Variants in RNF10 observed in about 807,000 individuals in gnomAD.
RNF10 encodes the protein ring finger protein 10.
RNF10 carries 38 observed loss-of-function variants against 91.4 expected under a neutral mutation model. That is an observed-to-expected ratio of 0.42 (90% confidence interval 0.32 to 0.54). RNF10 has a LOEUF of 0.54. RNF10 is among the 20% of genes least tolerant of loss of function. RNF10 has a pLI of 0.16. For missense variants in RNF10, 945 were observed against 1,012.0 expected (o/e 0.93, Z 0.90); for synonymous variants, 364 against 366.3 (o/e 0.99, Z 0.07).
intron 7 of RNF10, among the ~76,000 whole-genome samples, chr12:120,562,278 T>C (rs1422340086): frequency 7.0e-6 from 1 of 142,566 alleles, no homozygotes; most frequent in Non-Finnish European, 1.5e-5. Context: ...TTTCTTTTTT[T>C]TTTTTTTTTT....
intron 1 of RNF10, among the ~76,000 whole-genome samples, chr12:120,539,710 G>A (rs976083193): frequency 3.9e-5 from 6 of 152,136 alleles, no homozygotes; most frequent in African/African-American, 1.4e-4. Context: ...GCTGGGTTAA[G>A]TTTTTAAGTC....
chr12:120,576,561 T>G, intron 16 of RNF10, 29 bp from the exon 17 acceptor site: 1 of 1,609,084 alleles, frequency 6.2e-7, no homozygotes, highest in Non-Finnish European at 8.5e-7. Context: ...GCATTTTAAG[T>G]TAAGCTGTCT....
At chr12:120,540,537 A>G (rs1435462671) in intron 1 of RNF10, among the ~76,000 whole-genome samples, 1 of 152,130 alleles carries the variant, frequency 6.6e-6, no homozygotes, top group Non-Finnish European at 1.5e-5. Context: ...AATACTCTGA[A>G]TTTTATCTCT....
intron 1 of RNF10, among the ~76,000 whole-genome samples, chr12:120,538,585 T>C (rs1189835620): frequency 6.6e-6 from 1 of 152,176 alleles, no homozygotes; most frequent in East Asian, 1.9e-4. Flanking sequence ...GTAAATATCC[T>C]GTGAATATAG....
At chr12:120,573,664 T>C (rs569687216) in intron 14 of RNF10, among the ~76,000 whole-genome samples, 1 of 152,044 alleles carries the variant, frequency 6.6e-6, no homozygotes, top group East Asian at 1.9e-4. Flanking sequence ...CTCAGGCTGC[T>C]TCCACTCATG....
At chr12:120,540,170 C>T (rs560949011) in intron 1 of RNF10, among the ~76,000 whole-genome samples, 8 of 151,694 alleles carry the variant, frequency 5.3e-5, no homozygotes, top group Non-Finnish European at 1.0e-4. Flanking sequence ...ACCATGTTGC[C>T]CAGGCTGGTC....
intron 4 of RNF10, among the ~76,000 whole-genome samples, chr12:120,556,590 A>G (rs1874063620): frequency 1.3e-5 from 2 of 151,382 alleles, no homozygotes; most frequent in Non-Finnish European, 2.9e-5. Context: ...AAATGTATAA[A>G]ATCATCTGAG....
chr12:120,558,575 A>ATG (rs1299329760), intron 6 of RNF10, among the ~76,000 whole-genome samples: 2 of 147,990 alleles, frequency 1.4e-5, no homozygotes, highest in African/African-American at 5.0e-5. Context: ...ATGTATATAT[A>ATG]TATTTTTTTT....
chr12:120,535,499 A>G (rs1196664671), intron 1 of RNF10: 1 of 152,208 alleles, frequency 6.6e-6, no homozygotes, highest in African/African-American at 2.4e-5. Flanking sequence ...AAGAGCGCAG[A>G]CTATGAATTC....
chr12:120,544,633 G>C (rs193047494), intron 1 of RNF10, among the ~76,000 whole-genome samples: 9 of 152,324 alleles, frequency 5.9e-5, no homozygotes, highest in Admixed American at 2.6e-4. Flanking sequence ...TCTAGCCTGG[G>C]TGACAGAGCA....
intron 12 of RNF10, among the ~76,000 whole-genome samples, 158 bp downstream of exon 12, chr12:120,565,687 T>C (rs562906899): frequency 5.3e-5 from 8 of 152,230 alleles, no homozygotes; most frequent in Non-Finnish European, 7.3e-5. Context: ...CTTGCAAATA[T>C]AATGAGTTAA....
Position 120,576,760 on chromosome 12 carries a change from T to G in RNF10, c.*94T>G. The G allele has an allele frequency of 6.4e-7, 1 of 1,556,536 alleles. No individual in the cohort carries two copies. Among genetic ancestry groups the G allele is most frequent in the Non-Finnish European group, 8.7e-7 (1 of 1,150,328 alleles). On this transcript the variant is annotated 3_prime_UTR_variant, in exon 17 of 17. Coordinates refer to ENST00000325954, the MANE Select transcript of RNF10 (RefSeq NM_014868.5). ...TTGGCTGCTGTAATTTTTAAGTATT[T>G]GAGTTTGAACAGATTAGCTCTGGGG...
chr12:120,562,444 T>G (rs1019084612), intron 7 of RNF10, among the ~76,000 whole-genome samples: 1 of 151,756 alleles, frequency 6.6e-6, no homozygotes, highest in African/African-American at 2.4e-5. Context: ...CTGGGTTATT[T>G]TGTATTTTTA....
Position 120,563,000 on chromosome 12 carries a change from T to G in RNF10, c.1184T>G (p.Val395Gly), listed in dbSNP as rs772371029. ...LAGSRREVTG[V>G]VAALEQLVLM... ...GGAAGCAGAAGGGAGGTCACTGGTG[T>G]TGTGGCTGCTCTGGAACAACTGGTG... The change falls in exon 8 of 17, where the codon GTT (valine) becomes GGT (glycine). Residue 395 changes from valine (V) to glycine (G), a missense_variant. Val to Gly is a moderately radical substitution (Grantham distance 109, BLOSUM62 -3). Coordinates refer to ENST00000325954, the MANE Select transcript of RNF10 (RefSeq NM_014868.5). 6 of 1,614,086 alleles carry G rather than the reference T, an allele frequency of 3.7e-6. No homozygotes were observed. The highest frequency in any genetic ancestry group is 4.5e-5 in the East Asian group (2 of 44,878).
intron 6 of RNF10, among the ~76,000 whole-genome samples, chr12:120,560,162 T>TG (rs1874637758): frequency 1.3e-5 from 2 of 150,864 alleles, no homozygotes; most frequent in Non-Finnish European, 3.0e-5. Context: ...TTGTTTTTTT[T>TG]TTTTTTGAGA....
At chr12:120,542,752 C>T (rs914172482) in intron 1 of RNF10, among the ~76,000 whole-genome samples, 7 of 151,748 alleles carry the variant, frequency 4.6e-5, no homozygotes, top group South Asian at 4.2e-4. Flanking sequence ...GGGGCTTCAC[C>T]ATGTTGGCCA....
rs1317464903 is a variant in RNF10, at chr12:120,534,384, G to T, written c.-428G>T. On this transcript the variant is annotated 5_prime_UTR_variant, in exon 1 of 17. Coordinates refer to ENST00000325954, the MANE Select transcript of RNF10 (RefSeq NM_014868.5). ...GTTTGGCGACTCGTCGCCATTCCCG[G>T]AGCAGGTCGGCCTCGGCCCAGGGGC... 1 of 168,210 alleles carries T rather than the reference G, an allele frequency of 5.9e-6. No individual in the cohort carries two copies. Among genetic ancestry groups the T allele is most frequent in the African/African-American group, 2.4e-5 (1 of 41,518 alleles). 10.4% of individuals were successfully genotyped at this position (168,210 alleles called of 1,614,324 possible).
At chr12:120,540,275 T>G (rs1871362113) in intron 1 of RNF10, among the ~76,000 whole-genome samples, 1 of 152,082 alleles carries the variant, frequency 6.6e-6, no homozygotes, top group African/African-American at 2.4e-5. Context: ...TTTCTGATTC[T>G]TTAAGCCTAG....
intron 14 of RNF10, chr12:120,575,365 C>T (rs911487114): frequency 2.4e-6 from 1 of 420,828 alleles, no homozygotes; most frequent in Admixed American, 4.0e-5. Context: ...GTAAGAATCT[C>T]TTGTGCCTTC....
Sources: allele counts gnomAD v4.1 joint callset (sites outside exome capture counted in the v4.1 genomes callset), GRCh38; gene constraint gnomAD v4.1.1; transcripts MANE v1.5; gene names NCBI Gene and HGNC (gene_info 2026-07-23, HGNC 2026-07-21).